The following ZNF536 variants were observed in gnomAD, a reference collection of about 807,000 sequenced individuals.
ZNF536 encodes the protein zinc finger protein 536.
Under a neutral mutation model 84.5 loss-of-function variants are expected in ZNF536, and 13 were observed. That is an observed-to-expected ratio of 0.15 (90% confidence interval 0.10 to 0.24). The LOEUF is 0.24. Among genes scored for constraint, ZNF536 ranks in the 10% least tolerant of loss-of-function variants. The pLI is 1.00. For synonymous variants in ZNF536, 811 were observed against 742.5 expected (o/e 1.09, Z -1.50); for missense variants, 1,536 against 1,747.5 (o/e 0.88, Z 2.16).
chr19:30,301,703 T>G (rs538353826), intron 2 of ZNF536, among the ~76,000 whole-genome samples: 1 of 152,198 alleles, frequency 6.6e-6, no homozygotes, highest in Non-Finnish European at 1.5e-5. Flanking sequence ...TAGAGAAATA[T>G]GTGAGCTATT....
chr19:30,245,884 A>G (rs1426472376), intron 1 of ZNF536, among the ~76,000 whole-genome samples: 1 of 152,206 alleles, frequency 6.6e-6, no homozygotes, highest in Non-Finnish European at 1.5e-5. Flanking sequence ...CTCTTGCTTG[A>G]CATCAGTACG....
At chr19:30,245,826 G>A (rs1262774145) in intron 1 of ZNF536, among the ~76,000 whole-genome samples, 2 of 152,212 alleles carry the variant, frequency 1.3e-5, no homozygotes, top group Non-Finnish European at 2.9e-5. Flanking sequence ...GTATTTCCCC[G>A]CCTATACCAC....
chr19:30,636,125 C>T lies in ZNF536; in HGVS notation c.170-74632C>T, dbSNP rs1053017326. On this transcript the variant is annotated intron_variant, in intron 1 of 1. Coordinates refer to the ZNF536 transcript ENST00000592773. ...CTTGCTTGGTGGGGCCCGGGTGTGG[C>T]GTGTCATCCCTTCACAATGGTGGTC... 7.9e-5 allele frequency among the ~76,000 whole-genome samples: 12 copies of T among 152,198 alleles called. No homozygotes were observed. The East Asian group carries it at 2.1e-3, about 27-fold the overall frequency.
At chr19:30,631,419 C>T (rs1223147519) in intron 1 of ZNF536, among the ~76,000 whole-genome samples, 3 of 152,212 alleles carry the variant, frequency 2.0e-5, no homozygotes, top group Non-Finnish European at 4.4e-5. Flanking sequence ...ACCCGGCTGT[C>T]CCCTCCCACC....
intron 2 of ZNF536, among the ~76,000 whole-genome samples, chr19:30,284,592 C>A (rs1224735006): frequency 6.6e-6 from 1 of 152,206 alleles, no homozygotes; most frequent in Non-Finnish European, 1.5e-5. Flanking sequence ...TGTTTGTCAC[C>A]TCAATCAGAC....
At chr19:30,443,478 G>A (rs10411126) in intron 1 of ZNF536, 83 bp from the exon 2 acceptor site, 1 of 1,478,358 alleles carries the variant, frequency 6.8e-7, no homozygotes. Context: ...GCATGAAATG[G>A]AAATTCCCTG....
intron 1 of ZNF536, among the ~76,000 whole-genome samples, chr19:30,422,499 C>A (rs2051003960): frequency 6.6e-6 from 1 of 152,168 alleles, no homozygotes; most frequent in Non-Finnish European, 1.5e-5. Context: ...CCTGCCACCT[C>A]CCTGCAAGAG....
intron 2 of ZNF536, among the ~76,000 whole-genome samples, chr19:30,286,056 A>C (rs1053873725): frequency 6.6e-6 from 1 of 152,122 alleles, no homozygotes; most frequent in Admixed American, 6.5e-5. Context: ...CCTTGGCTGA[A>C]ATACAGCCCT....
intron 1 of ZNF536, among the ~76,000 whole-genome samples, chr19:30,255,129 G>T (rs1458582430): frequency 1.3e-5 from 2 of 152,296 alleles, no homozygotes; most frequent in East Asian, 3.9e-4. Context: ...TTTTACTCAA[G>T]ATAGGGGCAA....
chr19:30,486,793 TATA>T (rs1475432660), intron 2 of ZNF536, among the ~76,000 whole-genome samples: 1 of 152,222 alleles, frequency 6.6e-6, no homozygotes, highest in East Asian at 1.9e-4. Flanking sequence ...ATGTATTTTC[TATA>T]ATAACTCATC....
In ZNF536 at chr19:30,519,863, G is replaced by A. The variant is rs575191285; in HGVS notation, c.2171-14984G>A. 1.7e-4 allele frequency among the ~76,000 whole-genome samples: 26 copies of A among 152,342 alleles called. 1 individual carries two copies. In the South Asian group the frequency reaches 3.1e-3, roughly 18 times the overall value. ...AGACCCCATCCCAGCCTTCAAAGAG[G>A]TGGCAGTTTGGTGGCAGAGACAGAT... is the stretch of plus-strand genomic sequence containing the variant. On this transcript the variant is annotated intron_variant, in intron 2 of 4. Coordinates refer to ENST00000355537, the MANE Select transcript of ZNF536 (RefSeq NM_014717.3).
intron 1 of ZNF536, among the ~76,000 whole-genome samples, chr19:30,408,018 T>TGATGGGC (rs2050335078): frequency 6.6e-6 from 1 of 152,184 alleles, no homozygotes; most frequent in Non-Finnish European, 1.5e-5. Context: ...GCACTATGAG[T>TGATGGGC]ACCTGCCTTG....
chr19:30,261,069 C>A (rs1381069935), intron 1 of ZNF536, among the ~76,000 whole-genome samples: 2 of 151,802 alleles, frequency 1.3e-5, no homozygotes, highest in African/African-American at 4.8e-5. Flanking sequence ...GAGGCCGAGG[C>A]GGGCGGATCA....
intron 1 of ZNF536, among the ~76,000 whole-genome samples, chr19:30,695,784 A>G (rs73032821): frequency 0.16 from 24,784 of 152,050 alleles, 2,336 homozygotes; most frequent in Middle Eastern, 0.23. Flanking sequence ...GAGGTGGACT[A>G]TTGACCCAGT....
chr19:30,299,927 T>A (rs902254416), intron 2 of ZNF536, among the ~76,000 whole-genome samples: 15 of 152,208 alleles, frequency 9.9e-5, no homozygotes, highest in African/African-American at 3.1e-4. Flanking sequence ...ATGCCTAATC[T>A]AATTCACCAT....
intron 2 of ZNF536, among the ~76,000 whole-genome samples, chr19:30,348,051 G>A (rs1258859779): frequency 6.6e-6 from 1 of 152,194 alleles, no homozygotes. Flanking sequence ...AAGTATTTTT[G>A]ATTTACATGT....
intron 3 of ZNF536, among the ~76,000 whole-genome samples, chr19:30,362,027 G>A (rs980611784): frequency 2.8e-5 from 2 of 71,324 alleles, no homozygotes; most frequent in Non-Finnish European, 7.0e-5. Flanking sequence ...TGCTGCTGCT[G>A]GTCCTACTGT....
rs2052265924 is a variant in ZNF536, at chr19:30,445,241, A to G, written c.1679A>G (p.Asp560Gly). 1 of 1,614,086 alleles carries G rather than the reference A, an allele frequency of 6.2e-7. No individual in the cohort carries two copies. The highest frequency in any genetic ancestry group is 8.5e-7 in the Non-Finnish European group (1 of 1,180,060). ...TTGGCAAACGCCGGGGTTCTGTTTG[A>G]TAAGGAGAAGCGGGAGTACGTGTTA... is the stretch of plus-strand genomic sequence containing the variant. ...DTLANAGVLF[D>G]KEKREYVLVG... The change falls in exon 2 of 5, where the codon GAT (aspartate) becomes GGT (glycine). Residue 560 changes from aspartate to glycine, a missense_variant. Physicochemically the swap from Asp to Gly is moderately conservative, Grantham distance 94 (BLOSUM62 -1). Coordinates refer to ENST00000355537, the MANE Select transcript of ZNF536 (RefSeq NM_014717.3). The surrounding 1 kb of genome is among the most constrained non-coding windows in gnomAD (Gnocchi z 4.5).
chr19:30,481,465 G>A (rs921053029), intron 2 of ZNF536, among the ~76,000 whole-genome samples: 1 of 152,000 alleles, frequency 6.6e-6, no homozygotes, highest in Non-Finnish European at 1.5e-5. Flanking sequence ...CCAGCCTCTC[G>A]TGTCCTGGAA....
Sources: gnomAD v4.1 joint callset for allele counts (sites outside exome capture counted in the v4.1 genomes callset) on GRCh38, gnomAD v4.1.1 for gene constraint, Gnocchi (gnomAD v3.1) non-coding constraint, MANE v1.5 for transcripts, NCBI Gene and HGNC (gene_info 2026-07-23, HGNC 2026-07-21) for gene names.